Variants in TAOK1 observed in about 807,000 individuals in gnomAD.
TAOK1 encodes TAO kinase 1.
A neutral mutation model predicts 138.3 loss-of-function variants in TAOK1; 21 were observed. That is an observed-to-expected ratio of 0.15 (90% CI 0.11 to 0.22). TAOK1 has a LOEUF of 0.22. TAOK1 is among the 10% of genes least tolerant of loss of function. The probability of loss-of-function intolerance (pLI) is 1.00; values close to 1 mark genes in which losing one functional copy is unlikely to be tolerated. For synonymous variants in TAOK1, 361 were observed against 398.4 expected, an observed-to-expected ratio of 0.91 and a Z score of 1.12; for missense variants, 651 against 1,227.7, an observed-to-expected ratio of 0.53 and a Z score of 7.02.
intron 1 of TAOK1, among the ~76,000 whole-genome samples, chr17:29,405,668 A>G (rs1210162151): frequency 6.6e-6 from 1 of 151,994 alleles, no homozygotes; most frequent in Non-Finnish European, 1.5e-5. Flanking sequence ...AATCCCAGCT[A>G]CTCGGGAGGC....
At chr17:29,496,634 T>G (rs1253245935) in intron 11 of TAOK1, among the ~76,000 whole-genome samples, 1 of 148,462 alleles carries the variant, frequency 6.7e-6, no homozygotes, top group Non-Finnish European at 1.5e-5. Flanking sequence ...GTAGCCCAGT[T>G]TGGAGTACAG....
intron 9 of TAOK1, 112 bp downstream of exon 9, chr17:29,489,869 G>A: frequency 1.6e-6 from 1 of 619,792 alleles, no homozygotes; most frequent in Non-Finnish European, 2.6e-6. Flanking sequence ...CACCTTATAA[G>A]ATATTAAAAT....
chr17:29,409,724 C>T (rs1288171459), intron 1 of TAOK1, among the ~76,000 whole-genome samples: 1 of 152,102 alleles, frequency 6.6e-6, no homozygotes, highest in African/African-American at 2.4e-5. Context: ...CTTTTCTCAC[C>T]TATATTCACA....
intron 18 of TAOK1, among the ~76,000 whole-genome samples, chr17:29,531,975 C>T (rs2032121350): frequency 1.3e-5 from 2 of 151,952 alleles, no homozygotes; most frequent in South Asian, 2.1e-4. Context: ...ATTCTCCTGC[C>T]TCAGCCTCCC....
intron 13 of TAOK1, among the ~76,000 whole-genome samples, chr17:29,504,628 C>A (rs1384944820): frequency 2.6e-5 from 4 of 152,012 alleles, no homozygotes; most frequent in African/African-American, 9.7e-5. Flanking sequence ...TGAGATCGCA[C>A]TATTGCACTC....
At position 29,534,853 on chromosome 17, in the gene TAOK1, T is replaced by C. The variant is rs1275220899; in HGVS notation, c.2544+553T>C. ...ATTTCTAGATGCACATCTTTACTTT[T>C]TTCTGAATTATTCTTGTCAGATATA... On this transcript the variant is annotated intron_variant, in intron 19 of 19. Transcript: ENST00000261716. 2.0e-5 allele frequency among the ~76,000 whole-genome samples: 3 copies of C among 152,210 alleles called. No individual in the cohort carries two copies. In the East Asian group the frequency reaches 5.8e-4, roughly 29 times the overall value.
At chr17:29,502,194 A>G (rs975424253) in intron 12 of TAOK1, among the ~76,000 whole-genome samples, 6 of 151,842 alleles carry the variant, frequency 4.0e-5, no homozygotes, top group Non-Finnish European at 2.9e-5. Context: ...AGCACTTTGG[A>G]AGGCCAAGGA....
At chr17:29,398,723 G>A (rs1363600143) in intron 1 of TAOK1, among the ~76,000 whole-genome samples, 1 of 151,796 alleles carries the variant, frequency 6.6e-6, no homozygotes, top group Non-Finnish European at 1.5e-5. Flanking sequence ...GTAGAGACAG[G>A]GTTTCACCAT....
At chr17:29,422,951 G>A (rs1275905339) in intron 1 of TAOK1, among the ~76,000 whole-genome samples, 1 of 152,080 alleles carries the variant, frequency 6.6e-6, no homozygotes, top group Non-Finnish European at 1.5e-5. Context: ...CTTCAATCTG[G>A]GAGGCAAAGG....
At chr17:29,394,157 T>TTG (rs1904517010) in intron 1 of TAOK1, among the ~76,000 whole-genome samples, 1 of 104,202 alleles carries the variant, frequency 9.6e-6, no homozygotes, top group Non-Finnish European at 1.9e-5. Flanking sequence ...CCAGTTTTTT[T>TTG]TTTTTTTTTT....
chr17:29,456,010 A>G (rs914020524), intron 2 of TAOK1, among the ~76,000 whole-genome samples: 1 of 149,684 alleles, frequency 6.7e-6, no homozygotes, highest in African/African-American at 2.5e-5. Context: ...CTTCTTTTCT[A>G]TTTTTTGATA....
At chr17:29,463,346 G>T (rs2030575417) in intron 2 of TAOK1, among the ~76,000 whole-genome samples, 1 of 152,150 alleles carries the variant, frequency 6.6e-6, no homozygotes, top group South Asian at 2.1e-4. Flanking sequence ...AAGGCGGGCA[G>T]ATCACCCAAG....
At chr17:29,431,938 C>T (rs1226270163) in intron 1 of TAOK1, among the ~76,000 whole-genome samples, 1 of 151,496 alleles carries the variant, frequency 6.6e-6, no homozygotes, top group Non-Finnish European at 1.5e-5. Context: ...TCCTGAGTAA[C>T]TAGGACTACA....
At chr17:29,440,078 G>C (rs2029894359) in intron 1 of TAOK1, among the ~76,000 whole-genome samples, 1 of 151,994 alleles carries the variant, frequency 6.6e-6, no homozygotes, top group Non-Finnish European at 1.5e-5. Context: ...CACAGATTTT[G>C]AGCTATGATA....
intron 1 of TAOK1, among the ~76,000 whole-genome samples, chr17:29,410,720 C>G (rs959615448): frequency 4.0e-5 from 6 of 149,184 alleles, no homozygotes; most frequent in Non-Finnish European, 8.9e-5. Flanking sequence ...GCTGCAACCT[C>G]TGCCTCCTGG....
rs1393142136 is a variant in TAOK1 at position 29,533,907 on chromosome 17, A to AT, written c.2362-210dup. ...ATATGGTTATTCAGGCATCTTCCAA[A>AT]TAGCTTATGATAGCTTTATCTTCAT... On this transcript the variant is annotated intron_variant, in intron 18 of 19. Coordinates refer to ENST00000261716, the MANE Select transcript of TAOK1 (RefSeq NM_020791.4). Among the ~76,000 whole-genome samples, 12 of 152,090 alleles carry AT rather than the reference A, an allele frequency of 7.9e-5. No homozygotes were observed. The East Asian group carries it at 2.3e-3, about 29-fold the overall frequency.
chr17:29,399,380 A>G (rs560467435), intron 1 of TAOK1, among the ~76,000 whole-genome samples: 2 of 152,284 alleles, frequency 1.3e-5, no homozygotes, highest in Non-Finnish European at 1.5e-5. Context: ...CAGTGGCACA[A>G]TCTCGGCTCG....
chr17:29,428,998 C>T (rs988096010), intron 1 of TAOK1, among the ~76,000 whole-genome samples: 1 of 152,028 alleles, frequency 6.6e-6, no homozygotes, highest in African/African-American at 2.4e-5. Flanking sequence ...TGTTAATTCC[C>T]TTCCCTATTA....
At chr17:29,519,380 G>A (rs1294847715) in intron 16 of TAOK1, among the ~76,000 whole-genome samples, 3 of 152,012 alleles carry the variant, frequency 2.0e-5, no homozygotes, top group Non-Finnish European at 2.9e-5. Context: ...TGAGCCGGAC[G>A]AGGTGGCGGG....
Sources: allele counts gnomAD v4.1 joint callset (sites outside exome capture counted in the v4.1 genomes callset), GRCh38; gene constraint gnomAD v4.1.1; transcripts MANE v1.5; gene names NCBI Gene and HGNC (gene_info 2026-07-23, HGNC 2026-07-21).